Variants in SLC8A1 observed in about 807,000 individuals in gnomAD.
SLC8A1 encodes sodium/calcium exchanger 1.
SLC8A1 carries 18 observed loss-of-function variants against 68.3 expected under a neutral mutation model. The ratio of observed to expected loss-of-function variants is 0.26; its 90% CI spans 0.18 to 0.39. The LOEUF (loss-of-function observed/expected upper bound fraction) is 0.39, where lower values mean the gene tolerates loss of function less well. Ranked by LOEUF, SLC8A1 falls within the 10% of genes least tolerant of loss-of-function variation. SLC8A1 has a pLI of 1.00. For synonymous variants in SLC8A1, 475 were observed against 415.5 expected (o/e 1.14, Z -1.74); for missense variants, 985 against 1,156.7 (o/e 0.85, Z 2.15).
At chr2:40,231,572 A>G (rs150792916) in intron 2 of SLC8A1, among the ~76,000 whole-genome samples, 2 of 152,114 alleles carry the variant, frequency 1.3e-5, no homozygotes, top group African/African-American at 4.8e-5. Context: ...TGGGTTTTCC[A>G]TCTATCATGA....
chr2:40,207,602 TAAAC>T (rs1010161988), intron 2 of SLC8A1, among the ~76,000 whole-genome samples: 167 of 152,232 alleles, frequency 1.1e-3, no homozygotes, highest in African/African-American at 3.7e-3. Flanking sequence ...ATTTTTATAT[TAAAC>T]AAATCCACAT....
At chr2:40,357,292 G>A (rs1228659455) in intron 2 of SLC8A1, among the ~76,000 whole-genome samples, 1 of 152,036 alleles carries the variant, frequency 6.6e-6, no homozygotes, top group Non-Finnish European at 1.5e-5. Context: ...AGGAGTTTGA[G>A]ACCAGACTGG....
chr2:40,291,900 T>C (rs2069398101), intron 2 of SLC8A1, among the ~76,000 whole-genome samples: 1 of 149,370 alleles, frequency 6.7e-6, no homozygotes, highest in African/African-American at 2.6e-5. Flanking sequence ...CAAGACATCT[T>C]TACTTTTTTT....
intron 1 of SLC8A1, among the ~76,000 whole-genome samples, chr2:40,470,031 T>C (rs1427488101): frequency 6.6e-6 from 1 of 152,194 alleles, no homozygotes; most frequent in Non-Finnish European, 1.5e-5. Flanking sequence ...CATCGACTAT[T>C]TGGTTTCCCT....
At chr2:40,146,233 G>C (rs72791101) in intron 6 of SLC8A1, among the ~76,000 whole-genome samples, 1 of 152,086 alleles carries the variant, frequency 6.6e-6, no homozygotes, top group South Asian at 2.1e-4. Context: ...TGAGCTTAAA[G>C]CTTTAGGAGG....
At chr2:40,424,931 A>C (rs893267550) in intron 2 of SLC8A1, among the ~76,000 whole-genome samples, 4 of 151,984 alleles carry the variant, frequency 2.6e-5, no homozygotes, top group South Asian at 2.1e-4. Flanking sequence ...TTTTGTAATA[A>C]TTATTACCAT....
chr2:40,249,586 T>C (rs1197613745), intron 2 of SLC8A1, among the ~76,000 whole-genome samples: 5 of 152,206 alleles, frequency 3.3e-5, no homozygotes, highest in African/African-American at 1.2e-4. Flanking sequence ...AGAAGCACTA[T>C]TCTAGATGAT....
At chr2:40,118,575 A>T (rs2036028428) in intron 7 of SLC8A1, 1 of 148,664 alleles carries the variant, frequency 6.7e-6, no homozygotes, top group Admixed American at 6.7e-5. Flanking sequence ...TAATAGAAAC[A>T]GGGCAGCAGC....
intron 2 of SLC8A1, among the ~76,000 whole-genome samples, chr2:40,285,881 G>A (rs896352293): frequency 1.3e-5 from 2 of 152,104 alleles, no homozygotes; most frequent in African/African-American, 2.4e-5. Flanking sequence ...CTTTCATGTT[G>A]TTTAATAACA....
chr2:40,130,509 C>G (rs967159243), intron 7 of SLC8A1, among the ~76,000 whole-genome samples: 1 of 152,228 alleles, frequency 6.6e-6, no homozygotes, highest in African/African-American at 2.4e-5. Context: ...CCGTGCTGCC[C>G]GTCTGGCAGT....
chr2:40,151,268 C>CGTGT (rs3059326), intron 6 of SLC8A1, among the ~76,000 whole-genome samples: 2,516 of 150,996 alleles, frequency 0.017, 23 homozygotes, highest in East Asian at 0.033. Flanking sequence ...GTGTATGGTG[C>CGTGT]GTGTGTGTGT....
intron 2 of SLC8A1, among the ~76,000 whole-genome samples, chr2:40,404,851 A>AT (rs1167663118): frequency 2.6e-5 from 4 of 152,132 alleles, no homozygotes; most frequent in African/African-American, 9.7e-5. Flanking sequence ...TGCCACAGTG[A>AT]TTTTTTTGTT....
intron 1 of SLC8A1, among the ~76,000 whole-genome samples, chr2:40,505,232 G>T (rs1706297167): frequency 6.6e-6 from 1 of 151,690 alleles, no homozygotes; most frequent in African/African-American, 2.4e-5. Flanking sequence ...AAGGCTAATG[G>T]GTACAAAAAT....
chr2:40,359,039 T>G (rs1673683808), intron 2 of SLC8A1, among the ~76,000 whole-genome samples: 1 of 151,812 alleles, frequency 6.6e-6, no homozygotes, highest in African/African-American at 2.4e-5. Context: ...ACACGGTGAT[T>G]GGAGGAATGG....
chr2:40,166,092 G>T (rs1015632447), intron 4 of SLC8A1, among the ~76,000 whole-genome samples: 3 of 152,162 alleles, frequency 2.0e-5, no homozygotes, highest in African/African-American at 4.8e-5. Flanking sequence ...TGCAATAAAA[G>T]GGATGTTTGG....
intron 2 of SLC8A1, among the ~76,000 whole-genome samples, chr2:40,194,879 C>G (rs2148666562): frequency 6.6e-6 from 1 of 152,100 alleles, no homozygotes; most frequent in South Asian, 2.1e-4. Context: ...CTGTACAAAG[C>G]CACCAAAGAT....
chr2:40,180,319 C>A (rs371051362), intron 2 of SLC8A1, among the ~76,000 whole-genome samples: 1 of 152,152 alleles, frequency 6.6e-6, no homozygotes, highest in African/African-American at 2.4e-5. Flanking sequence ...TTAGAGAAGG[C>A]ACAGGAGGAT....
chr2:40,213,078 T>TAA (rs1446345784), intron 2 of SLC8A1: 1 of 152,202 alleles, frequency 6.6e-6, no homozygotes, highest in African/African-American at 2.4e-5. Context: ...CTTCATAATT[T>TAA]AAAGATGACT....
chr2:40,168,118 C>A (rs1321684465), intron 4 of SLC8A1, among the ~76,000 whole-genome samples: 1 of 152,158 alleles, frequency 6.6e-6, no homozygotes, highest in East Asian at 1.9e-4. Context: ...TCCTCCTCTA[C>A]TTTCCAGGAA....
Sources: allele counts gnomAD v4.1 joint callset (sites outside exome capture counted in the v4.1 genomes callset), GRCh38; gene constraint gnomAD v4.1.1; transcripts MANE v1.5; gene names NCBI Gene and HGNC (gene_info 2026-07-23, HGNC 2026-07-21).